Variants in RGS8 observed in about 807,000 individuals in gnomAD.
The protein encoded by RGS8 is regulator of G protein signaling 8.
In RGS8, 8 loss-of-function variants were observed where a neutral mutation model predicts 21.7. That is an observed-to-expected ratio of 0.37 (90% CI 0.22 to 0.66). RGS8 has a LOEUF of 0.66. RGS8 is among the 30% of genes least tolerant of loss of function. The pLI, the probability that RGS8 is intolerant of heterozygous loss-of-function variation, is 0.59. For synonymous variants in RGS8, 80 were observed against 83.6 expected, an observed-to-expected ratio of 0.96 and a Z score of 0.24; for missense variants, 157 against 217.9, an observed-to-expected ratio of 0.72 and a Z score of 1.76.
the RGS8 span, among the ~76,000 whole-genome samples, chr1:182,737,187 C>A: frequency 2.6e-5 from 4 of 151,960 alleles, no homozygotes; most frequent in African/African-American, 9.7e-5. Context: ...TGTCTAATCT[C>A]CCTCTGCCTC....
intron 6 of RGS8, 148 bp from the exon 8 acceptor site, chr1:182,647,065 C>G: frequency 1.5e-6 from 1 of 680,896 alleles, no homozygotes; most frequent in Non-Finnish European, 2.5e-6. Context: ...GGAGGTCATC[C>G]CTTTTGATCA....
the RGS8 span, among the ~76,000 whole-genome samples, chr1:182,694,544 C>T: frequency 2.2e-4 from 33 of 152,298 alleles, no homozygotes; most frequent in African/African-American, 6.5e-4. Flanking sequence ...CAGTGGCTTA[C>T]GCCCGTAATC....
the RGS8 span, among the ~76,000 whole-genome samples, chr1:182,703,111 C>T: frequency 6.6e-6 from 1 of 152,212 alleles, no homozygotes; most frequent in Non-Finnish European, 1.5e-5. Flanking sequence ...GAGTACTAGA[C>T]AGTCTTATCT....
At chr1:182,742,425 C>G in the RGS8 span, among the ~76,000 whole-genome samples, 1 of 152,198 alleles carries the variant, frequency 6.6e-6, no homozygotes, top group African/African-American at 2.4e-5. Context: ...CGAGATCACG[C>G]CACTGCACTC....
At chr1:182,647,688 A>G (rs1662768434) in intron 6 of RGS8, among the ~76,000 whole-genome samples, 3 of 151,812 alleles carry the variant, frequency 2.0e-5, no homozygotes, top group South Asian at 4.1e-4. Flanking sequence ...CATGTTCTGA[A>G]AAGTAGGTAC....
intron 5 of RGS8, among the ~76,000 whole-genome samples, chr1:182,659,818 A>G (rs1187708619): frequency 1.0e-4 from 2 of 19,328 alleles, no homozygotes; most frequent in Admixed American, 4.9e-4. Flanking sequence ...AGGGACTCAC[A>G]AAAAAAAAAG....
chr1:182,714,914 A>C, the RGS8 span, among the ~76,000 whole-genome samples: 157 of 152,362 alleles, frequency 1.0e-3, no homozygotes, highest in African/African-American at 3.7e-3. Context: ...TGGCTTATTC[A>C]GAGTCCAAAG....
At chr1:182,707,621 A>C in the RGS8 span, among the ~76,000 whole-genome samples, 1 of 152,216 alleles carries the variant, frequency 6.6e-6, no homozygotes, top group African/African-American at 2.4e-5. Context: ...GAGGCACCTA[A>C]GGCAACTGTG....
At chr1:182,682,544 G>A (rs923863568) in intron 1 of RGS8, among the ~76,000 whole-genome samples, 2 of 152,302 alleles carry the variant, frequency 1.3e-5, no homozygotes, top group Middle Eastern at 3.4e-3. Context: ...AAGTTGTTCA[G>A]CACATCTTGA....
chr1:182,681,177 G>A (rs1235974827), intron 1 of RGS8, among the ~76,000 whole-genome samples: 1 of 152,168 alleles, frequency 6.6e-6, no homozygotes, highest in Non-Finnish European at 1.5e-5. Flanking sequence ...AGGCTGCATG[G>A]ATGGGACAGG....
chr1:182,736,000 T>C, the RGS8 span, among the ~76,000 whole-genome samples: 2 of 152,262 alleles, frequency 1.3e-5, no homozygotes, highest in Admixed American at 6.5e-5. Flanking sequence ...GTCATTGTTT[T>C]TGCCATGTCT....
chr1:182,689,264 G>GACACACACACACAC (rs34000229), upstream of RGS8, among the ~76,000 whole-genome samples: 2 of 125,698 alleles, frequency 1.6e-5, no homozygotes, highest in African/African-American at 5.5e-5. Context: ...CACACACACA[G>GACACACACACACAC]ACACACACAC....
the RGS8 span, among the ~76,000 whole-genome samples, chr1:182,723,837 C>G: frequency 1.3e-5 from 2 of 152,072 alleles, no homozygotes; most frequent in Admixed American, 1.3e-4. Context: ...AGTGATGACT[C>G]TAATTTTAAA....
At chr1:182,739,135 A>T in the RGS8 span, among the ~76,000 whole-genome samples, 2 of 152,328 alleles carry the variant, frequency 1.3e-5, no homozygotes, top group East Asian at 3.9e-4. Flanking sequence ...ATTCCCCCAC[A>T]AGTGTGCTGG....
At chr1:182,707,557 G>T in the RGS8 span, among the ~76,000 whole-genome samples, 14 of 152,090 alleles carry the variant, frequency 9.2e-5, no homozygotes, top group Non-Finnish European at 1.9e-4. Context: ...CCAATAACCC[G>T]CTAACTTGGG....
chr1:182,742,520 C>A, the RGS8 span, among the ~76,000 whole-genome samples: 1 of 152,218 alleles, frequency 6.6e-6, no homozygotes, highest in African/African-American at 2.4e-5. Context: ...GCGGATCACT[C>A]GCGGTTAGGA....
chr1:182,715,749 G>C, the RGS8 span, among the ~76,000 whole-genome samples: 6 of 152,114 alleles, frequency 3.9e-5, no homozygotes, highest in Non-Finnish European at 8.8e-5. Flanking sequence ...CAGGTGTCTT[G>C]GTTGCCTGAG....
intron 5 of RGS8, among the ~76,000 whole-genome samples, chr1:182,665,200 C>G (rs1663793565): frequency 6.6e-6 from 1 of 152,194 alleles, no homozygotes; most frequent in African/African-American, 2.4e-5. Flanking sequence ...AAACCCCTCC[C>G]TCTTCCTCAA....
chr1:182,720,558 C>G, the RGS8 span, among the ~76,000 whole-genome samples: 1 of 152,172 alleles, frequency 6.6e-6, no homozygotes, highest in African/African-American at 2.4e-5. Context: ...TCAAAGCTCT[C>G]AGAGATGTGC....
Sources: gnomAD v4.1 joint callset for allele counts (sites outside exome capture counted in the v4.1 genomes callset) on GRCh38, gnomAD v4.1.1 for gene constraint, MANE v1.5 for transcripts, NCBI Gene and HGNC (gene_info 2026-07-23, HGNC 2026-07-21) for gene names.